The following AP4S1 variants were observed in gnomAD, a reference collection of about 807,000 sequenced individuals.
The protein encoded by AP4S1 is adaptor related protein complex 4 subunit sigma 1.
A neutral mutation model predicts 19.8 loss-of-function variants in AP4S1; 23 were observed. The ratio of observed to expected loss-of-function variants is 1.16; its 90% CI spans 0.84 to 1.65. The LOEUF is 1.65. Ranked by LOEUF, AP4S1 falls within the 40% of genes most tolerant of loss-of-function variation. The pLI, the probability that AP4S1 is intolerant of heterozygous loss-of-function variation, is 0.00. For missense variants in AP4S1, 166 were observed against 172.8 expected, an observed-to-expected ratio of 0.96 and a Z score of 0.22; for synonymous variants, 46 against 54.1, an observed-to-expected ratio of 0.85 and a Z score of 0.66.
At position 31,075,979 on chromosome 14, in the gene AP4S1, G is replaced by A. The variant is rs546717715; in HGVS notation, c.294+3006G>A. On this transcript the variant is annotated intron_variant, in intron 4 of 5. Transcript: ENST00000542754. ...TCAAACTCCTGACCTCAGGTGATCCGCCTGCCTCGGCCTCCCAAAGTGCTG... is the reference window on the plus strand; with the variant it reads ...TCAAACTCCTGACCTCAGGTGATCCACCTGCCTCGGCCTCCCAAAGTGCTG... Among the ~76,000 whole-genome samples the A allele has an allele frequency of 6.0e-4, 92 of 152,156 alleles. 1 individual carries two copies. Among genetic ancestry groups the A allele is most frequent in the African/African-American group, 1.9e-3 (77 of 41,526 alleles).
intron 1 of AP4S1, among the ~76,000 whole-genome samples, chr14:31,054,829 C>CTACACTG (rs1886007234): frequency 7.4e-6 from 1 of 134,786 alleles, no homozygotes; most frequent in Non-Finnish European, 1.5e-5. Flanking sequence ...GATTGCACCA[C>CTACACTG]TACACTGTAG....
chr14:31,074,359 A>AG (rs764784602), intron 4 of AP4S1, among the ~76,000 whole-genome samples: 17,324 of 142,278 alleles, frequency 0.12, 1,357 homozygotes, highest in Middle Eastern at 0.22. Flanking sequence ...AAATAAATAA[A>AG]TAAATAAAGT....
intron 3 of AP4S1, among the ~76,000 whole-genome samples, chr14:31,070,921 G>A (rs956740400): frequency 1.2e-4 from 18 of 152,138 alleles, no homozygotes; most frequent in South Asian, 8.3e-4. Flanking sequence ...GCGTGGTGGC[G>A]GGCGCCTGTA....
chr14:31,069,998 C>G, intron 3 of AP4S1, 69 bp downstream of exon 3: 2 of 1,335,388 alleles, frequency 1.5e-6, no homozygotes, highest in Non-Finnish European at 2.2e-6. Context: ...AGAATTATGA[C>G]TCTCTTGATT....
intron 2 of AP4S1, 140 bp from the exon 3 acceptor site, chr14:31,069,703 A>C (rs1046063770): frequency 2.7e-6 from 2 of 742,672 alleles, no homozygotes; most frequent in African/African-American, 3.4e-5. Flanking sequence ...TGAGAAGGTC[A>C]CCAATGGTTG....
intron 1 of AP4S1, among the ~76,000 whole-genome samples, chr14:31,048,239 G>T (rs61976839): frequency 1.3e-5 from 2 of 151,148 alleles, no homozygotes; most frequent in East Asian, 2.0e-4. Context: ...GATTACAGGC[G>T]CCCACCACCA....
chr14:31,033,759 T>C (rs549004306), intron 1 of AP4S1, among the ~76,000 whole-genome samples: 1 of 152,220 alleles, frequency 6.6e-6, no homozygotes, highest in Non-Finnish European at 1.5e-5. Context: ...ACCCTTTGGA[T>C]AATATTCTGT....
intron 5 of AP4S1, chr14:31,083,430 T>A (rs1431987024): frequency 2.2e-6 from 1 of 451,064 alleles, no homozygotes; most frequent in African/African-American, 2.0e-5. Flanking sequence ...CACTTGTACT[T>A]CCAGTGGTCT....
intron 3 of AP4S1, 78 bp from the exon 4 acceptor site, chr14:31,072,827 A>G (rs2139067334): frequency 1.7e-6 from 2 of 1,204,276 alleles, no homozygotes; most frequent in Non-Finnish European, 1.2e-6. Context: ...AAACCTGGAC[A>G]CTGACTGGGA....
chr14:31,054,867 CAAAAAAAAAAAAAA>C lies in AP4S1; in HGVS notation c.-71-11243_-71-11230del, dbSNP rs1162029946. On this transcript the variant is annotated intron_variant, in intron 1 of 5. Coordinates refer to ENST00000542754, the MANE Select transcript of AP4S1 (RefSeq NM_001128126.3). The stretch of plus-strand genomic sequence containing the variant: ...TGGGTGATAGAGCAAGACTCTGTCT[CAAAAAAAAAAAAAA>C]AAAAAAAAAAAAAAACAGTGACAGG... 2.4e-4 allele frequency among the ~76,000 whole-genome samples: 11 copies of C among 46,398 alleles called. No individual in the cohort carries two copies. The East Asian group carries it at 8.2e-3, about 34-fold the overall frequency. The allele number at this position is 46,398 out of a possible 152,430, so 30.4% of individuals were successfully genotyped here. A position where few individuals can be genotyped will look rare whatever the true frequency, so the allele number is the denominator to read the frequency against.
chr14:31,037,026 A>T (rs1216964752), intron 1 of AP4S1, among the ~76,000 whole-genome samples: 2 of 151,728 alleles, frequency 1.3e-5, no homozygotes, highest in East Asian at 3.9e-4. Flanking sequence ...CTTGGCCAGG[A>T]TGGTCTCGAT....
At chr14:31,032,020 A>G (rs1490640269) in intron 1 of AP4S1, among the ~76,000 whole-genome samples, 2 of 150,450 alleles carry the variant, frequency 1.3e-5, no homozygotes, top group African/African-American at 4.9e-5. Flanking sequence ...GCAGTGAGCT[A>G]TGATCACACC....
At chr14:31,084,850 A>G (rs1453032723) in intron 5 of AP4S1, 2 of 1,614,100 alleles carry the variant, frequency 1.2e-6, no homozygotes, top group African/African-American at 2.7e-5. Context: ...TTCATCATTC[A>G]AAGGAGCTGC....
Position 31,025,760 on chromosome 14 carries a change from G to C in AP4S1, c.-99G>C, listed in dbSNP as rs1197468701. 7 of 1,144,090 alleles carry C rather than the reference G, an allele frequency of 6.1e-6. No homozygotes were observed. The African/African-American group carries it at 1.1e-4, about 18-fold the overall frequency. The allele number at this position is 1,144,090 out of a possible 1,614,324, so 70.9% of individuals were successfully genotyped here. Reference sequence around the variant, plus strand: ...GGGGGACTCCAGGAAAAGCCGTTGAGAGGACCATCACAACCTGAGCAGCAC... The same window carrying C: ...GGGGGACTCCAGGAAAAGCCGTTGACAGGACCATCACAACCTGAGCAGCAC... On this transcript the variant is annotated 5_prime_UTR_variant, in exon 1 of 6. Transcript: ENST00000542754.
At chr14:31,086,504 C>T (rs1887921440) in intron 5 of AP4S1, 1 of 152,462 alleles carries the variant, frequency 6.6e-6, no homozygotes. Flanking sequence ...ACCTCCGCCT[C>T]CCAGGTTCAA....
At chr14:31,032,343 T>C (rs1239316222) in intron 1 of AP4S1, among the ~76,000 whole-genome samples, 1 of 152,154 alleles carries the variant, frequency 6.6e-6, no homozygotes, top group East Asian at 1.9e-4. Context: ...TTTTCGTATT[T>C]CATGTGCATG....
chr14:31,072,344 G>A lies in AP4S1; in HGVS notation c.226-561G>A, dbSNP rs553136414. ...TCCCACCTCGGCCTCCCAAAGTGGT[G>A]GGGATTACAGGTGTGAGCCATCACG... On this transcript the variant is annotated intron_variant, in intron 3 of 5. Transcript: ENST00000542754. 3.3e-5 allele frequency among the ~76,000 whole-genome samples: 5 copies of A among 151,706 alleles called. No homozygotes were observed. In the East Asian group the frequency reaches 7.8e-4, roughly 24 times the overall value.
intron 1 of AP4S1, among the ~76,000 whole-genome samples, chr14:31,036,887 C>T (rs988444423): frequency 6.6e-6 from 1 of 151,984 alleles, no homozygotes; most frequent in Non-Finnish European, 1.5e-5. Context: ...AATCTCGGCT[C>T]CTGTAACCTC....
At chr14:31,073,254 G>A in intron 4 of AP4S1, 4 of 358,406 alleles carry the variant, frequency 1.1e-5, no homozygotes, top group Non-Finnish European at 2.1e-5. Flanking sequence ...ACTTTGGGAG[G>A]CTAAGGTGGG....
Sources: gnomAD v4.1 joint callset for allele counts (sites outside exome capture counted in the v4.1 genomes callset) on GRCh38, gnomAD v4.1.1 for gene constraint, MANE v1.5 for transcripts, NCBI Gene and HGNC (gene_info 2026-07-23, HGNC 2026-07-21) for gene names.